The following KIF1B variants were observed in gnomAD, a reference collection of about 807,000 sequenced individuals.
KIF1B encodes the protein kinesin family member 1B.
In KIF1B, 76 loss-of-function variants were observed where a neutral mutation model predicts 241.9. The observed-to-expected ratio is 0.31, with a 90% CI of 0.26 to 0.38. The LOEUF is 0.38. Among genes scored for constraint, KIF1B ranks in the 10% least tolerant of loss-of-function variants. KIF1B has a pLI of 1.00. For missense variants in KIF1B, 1,622 were observed against 2,271.4 expected, an observed-to-expected ratio of 0.71 and a Z score of 5.81; for synonymous variants, 750 against 796.7, an observed-to-expected ratio of 0.94 and a Z score of 0.99.
intron 15 of KIF1B, among the ~76,000 whole-genome samples, chr1:10,284,414 A>G (rs1649585749): frequency 6.6e-6 from 1 of 151,560 alleles, no homozygotes; most frequent in African/African-American, 2.4e-5. Flanking sequence ...AGCCGGGCTT[A>G]GTGGCTCATG....
intron 10 of KIF1B, among the ~76,000 whole-genome samples, chr1:10,275,205 TGTG>T (rs1054211287): frequency 1.3e-5 from 2 of 152,232 alleles, no homozygotes; most frequent in East Asian, 3.8e-4. Flanking sequence ...TCTCAACTGT[TGTG>T]TATATTACAC....
At chr1:10,284,336 G>T (rs895900557) in intron 15 of KIF1B, among the ~76,000 whole-genome samples, 2 of 152,144 alleles carry the variant, frequency 1.3e-5, no homozygotes, top group African/African-American at 4.8e-5. Context: ...GATCATCTGA[G>T]GTCAGGAGTT....
chr1:10,332,812 G>A (rs1295685044), intron 27 of KIF1B, among the ~76,000 whole-genome samples: 1 of 141,752 alleles, frequency 7.1e-6, no homozygotes. Flanking sequence ...ACCGCGCCTG[G>A]CCTCTTTTTT....
At chr1:10,306,491 G>A in intron 22 of KIF1B, 2 of 902,496 alleles carry the variant, frequency 2.2e-6, no homozygotes, top group Non-Finnish European at 2.7e-6. Flanking sequence ...CATGCGTACA[G>A]CCCCAGCTAC....
chr1:10,248,898 A>T (rs1647296130), intron 2 of KIF1B, among the ~76,000 whole-genome samples: 1 of 152,196 alleles, frequency 6.6e-6, no homozygotes, highest in African/African-American at 2.4e-5. Flanking sequence ...GTCCAGAGCA[A>T]CCTAGATTGA....
intron 22 of KIF1B, among the ~76,000 whole-genome samples, chr1:10,316,239 A>G (rs1389738336): frequency 6.6e-6 from 1 of 151,260 alleles, no homozygotes. Context: ...TCTCCAAAAA[A>G]AAGGAAAAAG....
At chr1:10,271,371 C>T (rs1324191251) in intron 7 of KIF1B, 131 bp from the exon 8 acceptor site, 3 of 755,648 alleles carry the variant, frequency 4.0e-6, no homozygotes, top group Admixed American at 3.5e-5. Context: ...CTTTTTGTGC[C>T]ATATTTAAAA....
chr1:10,320,226 C>A (rs745822735), intron 23 of KIF1B, 90 bp downstream of exon 23: 83 of 842,272 alleles, frequency 9.9e-5, no homozygotes, highest in Admixed American at 1.5e-4. Context: ...AAGCTGGATT[C>A]CTCTTAGTTG....
At chr1:10,246,516 T>G (rs1483979848) in intron 2 of KIF1B, among the ~76,000 whole-genome samples, 1 of 151,980 alleles carries the variant, frequency 6.6e-6, no homozygotes, top group Non-Finnish European at 1.5e-5. Context: ...GAGGCCGAGG[T>G]GGGCGGATCA....
intron 27 of KIF1B, among the ~76,000 whole-genome samples, 189 bp from the exon 28 acceptor site, chr1:10,334,331 G>A (rs912267587): frequency 5.3e-5 from 8 of 152,080 alleles, no homozygotes; most frequent in South Asian, 2.1e-4. Context: ...TCTGCCAAGC[G>A]TTTGCTTGTT....
At chr1:10,256,615 T>C (rs1553162767) in intron 3 of KIF1B, among the ~76,000 whole-genome samples, 2 of 151,870 alleles carry the variant, frequency 1.3e-5, no homozygotes, top group Non-Finnish European at 2.9e-5. Context: ...ATTTAGACAT[T>C]TCTTGAGGAT....
At position 10,306,757 on chromosome 1, in the gene KIF1B, T is replaced by TAAAA. The variant is rs745772393; in HGVS notation, c.2115+9535_2115+9538dup. 879 of 565,982 alleles carry TAAAA rather than the reference T, an allele frequency of 1.6e-3. 1 individual carries two copies. Among genetic ancestry groups the TAAAA allele is most frequent in the South Asian group, 3.5e-3 (40 of 11,506 alleles). The allele number at this position is 565,982 out of a possible 1,614,324, so 35.1% of individuals were successfully genotyped here. ...GGACAACAGAGTGAGAACCTGTCTTTAAAAAAAAAAAAAAAAAAAAAAAAA... is the reference window on the plus strand; with the variant it reads ...GGACAACAGAGTGAGAACCTGTCTTTAAAAAAAAAAAAAAAAAAAAAAAAAAAAA... On this transcript the variant is annotated intron_variant, in intron 22 of 48. Transcript: ENST00000676179.
At chr1:10,273,709 C>CAAAAAAAAAAAAAAAAA (rs56349613) in intron 10 of KIF1B, among the ~76,000 whole-genome samples, 1 of 49,582 alleles carries the variant, frequency 2.0e-5, no homozygotes, top group African/African-American at 7.9e-5. Flanking sequence ...TCCTCCTCCT[C>CAAAAAAAAAAAAAAAAA]AAAAAAAAAA....
intron 6 of KIF1B, 95 bp downstream of exon 6, chr1:10,267,653 A>C: frequency 8.2e-7 from 1 of 1,216,466 alleles, no homozygotes; most frequent in Middle Eastern, 1.9e-4. Flanking sequence ...TATAGCTATG[A>C]AAGTTGCTTT....
chr1:10,276,403 C>CT lies in KIF1B; in HGVS notation c.1037+7dup, dbSNP rs750151168. ...ATGAGACTTTGAGCACTCTGAGGTA[C>CT]TTTCTTTTGATCTCAGTAACAACAT... On this transcript the variant is annotated splice_donor_region_variant and intron_variant, in intron 12 of 48. Transcript: ENST00000676179. The CT allele has an allele frequency of 6.8e-6, 11 of 1,609,924 alleles. No homozygotes were observed. Among genetic ancestry groups the CT allele is most frequent in the Non-Finnish European group, 6.8e-6 (8 of 1,176,640 alleles).
chr1:10,296,635 AG>A lies in KIF1B; in HGVS notation c.1834del (p.Val612CysfsTer63). 6.2e-7 allele frequency: 1 copy of A among 1,613,968 alleles called. No individual in the cohort carries two copies. Among genetic ancestry groups the A allele is most frequent in the Non-Finnish European group, 8.5e-7 (1 of 1,179,946 alleles). On this transcript the variant is annotated frameshift_variant, in exon 20 of 49. Coordinates refer to ENST00000676179, the MANE Select transcript of KIF1B (RefSeq NM_001365951.3). LOFTEE classifies it high-confidence loss of function. Reference protein sequence around the residue: ...ERSETYVNGKRVSQPVQLRSG... With the variant: ...ERSETYVNGKXVSQPVQLRSG... ...CTCAGAAACCTACGTAAATGGCAAG[AG>A]GGTGTCCCAGCCTGTTCAGCTGCGC... is the stretch of plus-strand genomic sequence containing the variant.
Position 10,275,481 on chromosome 1 carries a change from T to C in KIF1B, c.936T>C (p.Thr312=). Residue 312 remains threonine, a synonymous_variant, in exon 11 of 49, where the codon ACT becomes ACC. Transcript: ENST00000676179. ...DFIPYRDSVL[T]WLLRENLGGN... Reference sequence around the variant, plus strand: ...TTCCCTACAGGGATTCTGTACTTACTTGGCTCCTTCGAGAAAATTTAGGTA... The same window carrying C: ...TTCCCTACAGGGATTCTGTACTTACCTGGCTCCTTCGAGAAAATTTAGGTA... The C allele has an allele frequency of 6.3e-7, 1 of 1,583,698 alleles. No individual in the cohort carries two copies. The highest frequency in any genetic ancestry group is 8.7e-7 in the Non-Finnish European group (1 of 1,152,404).
At chr1:10,277,526 G>A (rs920883659) in intron 12 of KIF1B, among the ~76,000 whole-genome samples, 2 of 152,040 alleles carry the variant, frequency 1.3e-5, no homozygotes, top group Non-Finnish European at 2.9e-5. Flanking sequence ...TTGTAGAGAT[G>A]GGGGGTCTTG....
intron 32 of KIF1B, among the ~76,000 whole-genome samples, chr1:10,340,113 T>A (rs1652336928): frequency 6.6e-6 from 1 of 152,192 alleles, no homozygotes; most frequent in African/African-American, 2.4e-5. Context: ...ATGCAATGAG[T>A]TGTTTTAGTG....
Sources: allele counts gnomAD v4.1 joint callset (sites outside exome capture counted in the v4.1 genomes callset), GRCh38; gene constraint gnomAD v4.1.1; transcripts MANE v1.5; gene names NCBI Gene and HGNC (gene_info 2026-07-23, HGNC 2026-07-21).